Variants in RBFOX1 observed in about 807,000 individuals in gnomAD.
RBFOX1 encodes the protein RNA binding fox-1 homolog 1.
RBFOX1 carries 8 observed loss-of-function variants against 57.7 expected under a neutral mutation model. The ratio of observed to expected loss-of-function variants is 0.14; its 90% CI spans 0.08 to 0.25. The LOEUF (loss-of-function observed/expected upper bound fraction) is 0.25. Ranked by LOEUF, RBFOX1 falls within the 10% of genes least tolerant of loss-of-function variation. The pLI is 1.00. For missense variants in RBFOX1, 611 were observed against 548.5 expected (o/e 1.11, Z -1.14); for synonymous variants, 326 against 222.4 (o/e 1.47, Z -4.15).
chr16:6,957,791 A>AG (rs1353902530), intron 3 of RBFOX1, among the ~76,000 whole-genome samples: 1 of 152,112 alleles, frequency 6.6e-6, no homozygotes, highest in Non-Finnish European at 1.5e-5. Context: ...GGGATACCTT[A>AG]GGGAAAGCCA....
At chr16:5,522,996 T>A (rs55810636) in intron 2 of RBFOX1, among the ~76,000 whole-genome samples, 117,018 of 151,846 alleles carry the variant, frequency 0.77, 46,068 homozygotes, top group East Asian at 0.99. Context: ...TGCTGCAAAA[T>A]CATGGTGGGG....
chr16:7,049,671 A>G (rs982154), intron 3 of RBFOX1, among the ~76,000 whole-genome samples: 122,614 of 151,894 alleles, frequency 0.81, 50,048 homozygotes, highest in East Asian at 0.94. Flanking sequence ...GGTACTTTAA[A>G]TTTTGGTCGT....
At chr16:6,761,705 C>T (rs558031259) in intron 3 of RBFOX1, among the ~76,000 whole-genome samples, 3 of 151,754 alleles carry the variant, frequency 2.0e-5, no homozygotes, top group Non-Finnish European at 2.9e-5. Flanking sequence ...CGAGGTTTCA[C>T]GAACTTGGCC....
chr16:7,412,999 G>A (rs899688989), intron 4 of RBFOX1, among the ~76,000 whole-genome samples: 3 of 151,992 alleles, frequency 2.0e-5, no homozygotes, highest in African/African-American at 4.8e-5. Context: ...CCAAGATCAC[G>A]CCACTGCACT....
chr16:7,290,784 C>G (rs765304967), intron 4 of RBFOX1, among the ~76,000 whole-genome samples: 1 of 152,172 alleles, frequency 6.6e-6, no homozygotes, highest in Non-Finnish European at 1.5e-5. Flanking sequence ...AGACAAGGAA[C>G]TCACCATTAA....
At chr16:6,243,832 C>A (rs1170376462) in intron 1 of RBFOX1, among the ~76,000 whole-genome samples, 1 of 152,106 alleles carries the variant, frequency 6.6e-6, no homozygotes, top group Non-Finnish European at 1.5e-5. Context: ...GGAGATCCTG[C>A]CTGAGATGAA....
intron 3 of RBFOX1, among the ~76,000 whole-genome samples, chr16:5,835,054 A>G (rs1470365735): frequency 1.3e-5 from 2 of 152,200 alleles, no homozygotes; most frequent in Non-Finnish European, 2.9e-5. Context: ...ATTGGTGCAG[A>G]TGAATCCTGC....
rs74432766 is a variant in RBFOX1 at position 7,109,751 on chromosome 16, C to A, written c.27+57653C>A. Among the ~76,000 whole-genome samples the A allele has an allele frequency of 3.0e-3, 462 of 152,188 alleles. 2 individuals carry two copies. Among genetic ancestry groups the A allele is most frequent in the African/African-American group, 0.01 (430 of 41,528 alleles). ...AGGGGTCATTCCAGATCCAAAAAAT[C>A]GAGATGACTCCTTTGAGCAATTTCA... On this transcript the variant is annotated intron_variant, in intron 4 of 15. Transcript: ENST00000550418.
intron 3 of RBFOX1, among the ~76,000 whole-genome samples, chr16:6,824,567 A>G (rs574177107): frequency 6.6e-6 from 1 of 152,320 alleles, no homozygotes; most frequent in African/African-American, 2.4e-5. Context: ...TAATCATAAT[A>G]AATACTAATA....
intron 2 of RBFOX1, among the ~76,000 whole-genome samples, chr16:6,588,478 C>T (rs914175121): frequency 5.3e-5 from 8 of 151,976 alleles, no homozygotes; most frequent in African/African-American, 1.9e-4. Flanking sequence ...CATGACAAAA[C>T]CTCGCATACA....
At chr16:5,837,643 T>A (rs538538904) in intron 3 of RBFOX1, among the ~76,000 whole-genome samples, 1 of 151,882 alleles carries the variant, frequency 6.6e-6, no homozygotes, top group African/African-American at 2.4e-5. Context: ...CCTGGTCCTC[T>A]TTTGCGGGTA....
At chr16:5,821,594 T>C (rs2055861108) in intron 3 of RBFOX1, among the ~76,000 whole-genome samples, 1 of 152,202 alleles carries the variant, frequency 6.6e-6, no homozygotes, top group South Asian at 2.1e-4. Flanking sequence ...TGACCTACCA[T>C]GTCTGGTTCT....
Position 7,121,326 on chromosome 16 carries a change from T to G in RBFOX1, c.27+69228T>G, listed in dbSNP as rs183631378. 2.0e-5 allele frequency among the ~76,000 whole-genome samples: 3 copies of G among 152,200 alleles called. No homozygotes were observed. In the East Asian group the frequency reaches 5.8e-4, roughly 29 times the overall value. ...TTGGAAATTAATATATAAGGGCATC[T>G]TTAATCACAGATAATAGAATTGTCT... On this transcript the variant is annotated intron_variant, in intron 4 of 15. Coordinates refer to ENST00000550418, the MANE Select transcript of RBFOX1 (RefSeq NM_018723.4).
At chr16:5,713,196 C>T (rs2051559815) in intron 3 of RBFOX1, among the ~76,000 whole-genome samples, 2 of 152,160 alleles carry the variant, frequency 1.3e-5, no homozygotes, top group Non-Finnish European at 2.9e-5. Flanking sequence ...TTTGCTTAAG[C>T]CATTTGGGGC....
At chr16:6,800,258 C>G (rs1446301269) in intron 3 of RBFOX1, among the ~76,000 whole-genome samples, 2 of 145,874 alleles carry the variant, frequency 1.4e-5, no homozygotes, top group South Asian at 2.1e-4. Context: ...AGTTTTAGCA[C>G]TCAGCATTGA....
At chr16:6,401,239 C>G (rs1156437721) in intron 2 of RBFOX1, among the ~76,000 whole-genome samples, 4 of 152,172 alleles carry the variant, frequency 2.6e-5, no homozygotes, top group Non-Finnish European at 5.9e-5. Flanking sequence ...GTACCATCCA[C>G]TGGCCAGATC....
intron 2 of RBFOX1, among the ~76,000 whole-genome samples, chr16:5,499,722 A>C (rs528518668): frequency 3.3e-5 from 5 of 151,924 alleles, no homozygotes; most frequent in African/African-American, 1.2e-4. Context: ...ACAGGTGCCC[A>C]CCACCACGCC....
At chr16:5,745,182 A>G (rs1346940465) in intron 3 of RBFOX1, among the ~76,000 whole-genome samples, 2 of 152,132 alleles carry the variant, frequency 1.3e-5, no homozygotes, top group Non-Finnish European at 2.9e-5. Context: ...ATAAGTGAGA[A>G]CATGCAGTGT....
intron 2 of RBFOX1, among the ~76,000 whole-genome samples, chr16:6,653,954 AGGAT>A (rs1178815082): frequency 2.4e-5 from 3 of 125,656 alleles, no homozygotes; most frequent in Non-Finnish European, 5.0e-5. Flanking sequence ...GGGTGGATGA[AGGAT>A]GGATGGTTGG....
Sources: allele counts gnomAD v4.1 joint callset (sites outside exome capture counted in the v4.1 genomes callset), GRCh38; gene constraint gnomAD v4.1.1; transcripts MANE v1.5; gene names NCBI Gene and HGNC (gene_info 2026-07-23, HGNC 2026-07-21).